MYH15: variants seen among roughly 807,000 people sequenced by gnomAD.
MYH15 encodes the protein myosin-15.
Under a neutral mutation model 240.5 loss-of-function variants are expected in MYH15, and 227 were observed. The observed-to-expected ratio is 0.94, with a 90% CI of 0.85 to 1.05. MYH15 has a LOEUF of 1.05. MYH15 is among the 50% of genes least tolerant of loss of function. The pLI is 0.00. For synonymous variants in MYH15, 785 were observed against 796.7 expected (o/e 0.99, Z 0.25); for missense variants, 2,217 against 2,247.5 (o/e 0.99, Z 0.27).
At chr3:108,408,086 A>C (rs1374757522) in intron 32 of MYH15, among the ~76,000 whole-genome samples, 194 bp downstream of exon 32, 1 of 152,206 alleles carries the variant, frequency 6.6e-6, no homozygotes, top group Non-Finnish European at 1.5e-5. Context: ...CTGAGTCTCA[A>C]TTTCCTCTTT....
the MYH15 span, chr3:108,550,981 T>C: frequency 2.6e-6 from 1 of 385,946 alleles, no homozygotes; most frequent in Non-Finnish European, 4.5e-6. Context: ...TAAATTTCTA[T>C]TCAAACTATC....
At chr3:108,414,120 A>C (rs2082615318) in intron 30 of MYH15, 112 bp downstream of exon 30, 2 of 1,174,298 alleles carry the variant, frequency 1.7e-6, no homozygotes, top group Middle Eastern at 4.0e-4. Flanking sequence ...TTGTTCCTGC[A>C]CTCGGCAAGG....
At chr3:108,399,994 G>T (rs6786808) in intron 33 of MYH15, among the ~76,000 whole-genome samples, 71,455 of 152,142 alleles carry the variant, frequency 0.47, 16,954 homozygotes, top group Non-Finnish European at 0.49. Flanking sequence ...ATGGGAATTT[G>T]TATTTCCCAA....
At chr3:108,452,343 G>C (rs1471911369) in intron 21 of MYH15, among the ~76,000 whole-genome samples, 1 of 152,014 alleles carries the variant, frequency 6.6e-6, no homozygotes, top group African/African-American at 2.4e-5. Context: ...AAACTCTTAT[G>C]TATATGAATG....
chr3:108,422,873 T>A (rs1277323442), intron 27 of MYH15, among the ~76,000 whole-genome samples: 1 of 152,216 alleles, frequency 6.6e-6, no homozygotes, highest in African/African-American at 2.4e-5. Context: ...TTTAGTCCTC[T>A]GGAAAACTTC....
chr3:108,388,239 C>G (rs960251098), intron 38 of MYH15, among the ~76,000 whole-genome samples: 1 of 152,092 alleles, frequency 6.6e-6, no homozygotes, highest in Non-Finnish European at 1.5e-5. Context: ...TAGGAGGATG[C>G]CAGACCCTGG....
At chr3:108,469,622 G>T (rs1355418774) in intron 14 of MYH15, among the ~76,000 whole-genome samples, 1 of 152,214 alleles carries the variant, frequency 6.6e-6, no homozygotes, top group Non-Finnish European at 1.5e-5. Flanking sequence ...GATGGCAGTT[G>T]TTTGTTTGCA....
intron 25 of MYH15, among the ~76,000 whole-genome samples, chr3:108,433,419 C>T (rs1471491036): frequency 6.6e-6 from 1 of 152,078 alleles, no homozygotes; most frequent in Non-Finnish European, 1.5e-5. Flanking sequence ...TGAGTTAAAG[C>T]CGAAATGAGT....
chr3:108,513,758 A>G (rs897060), upstream of MYH15, among the ~76,000 whole-genome samples: 5,574 of 152,308 alleles, frequency 0.037, 492 homozygotes, highest in East Asian at 0.39. Context: ...CACATTTTCC[A>G]TAACTGCAAA....
rs371486534 is a variant in MYH15 at position 108,405,395 on chromosome 3, G to A, written c.4679C>T (p.Ala1560Val). The A allele has an allele frequency of 1.4e-5, 21 of 1,522,890 alleles. No homozygotes were observed. The highest frequency in any genetic ancestry group is 1.7e-5 in the Admixed American group (1 of 57,744). 94.3% of individuals were successfully genotyped at this position (1,522,890 alleles called of 1,614,324 possible). The change falls in exon 33 of 41, where the codon GCT (alanine) becomes GTT (valine). Residue 1560 changes from alanine (A) to valine (V), a missense_variant. Coordinates refer to ENST00000693548, the MANE Select transcript of MYH15 (RefSeq NM_014981.3). The part of the protein sequence containing the change: ...ILHFQLELLE[A>V]KAELERKLSE... ...AAGCTTTCTTTCAAGTTCTGCTTTA[G>A]CTTCCAAGAGTTCAAGCTGGAAATG... is the stretch of plus-strand genomic sequence containing the variant.
Position 108,467,244 on chromosome 3 carries a change from T to C in MYH15, c.1555-2430A>G, listed in dbSNP as rs182708256. Among the ~76,000 whole-genome samples the C allele has an allele frequency of 5.9e-5, 9 of 151,360 alleles. No individual in the cohort carries two copies. In the East Asian group the frequency reaches 1.4e-3, roughly 23 times the overall value. The stretch of plus-strand genomic sequence containing the variant: ...TAAGAGTTGCCAATCAAAAAAAGGA[T>C]GGAGTTATGTGTTTAAAGAGAATAC... On this transcript the variant is annotated intron_variant, in intron 14 of 40. Coordinates refer to ENST00000693548, the MANE Select transcript of MYH15 (RefSeq NM_014981.3).
chr3:108,460,380 A>AG lies in MYH15; in HGVS notation c.1865-14_1865-13insC, dbSNP rs780354540. The AG allele has an allele frequency of 1.3e-6, 2 of 1,570,238 alleles. No homozygotes were observed. The highest frequency in any genetic ancestry group is 1.7e-6 in the Non-Finnish European group (2 of 1,162,382). ...CCAAATGGTATAGCTAGCAAAAAAA[A>AG]AAAAAGAAAAAGATGAAAACATGTA... On this transcript the variant is annotated splice_polypyrimidine_tract_variant and intron_variant, in intron 16 of 40. Coordinates refer to ENST00000693548, the MANE Select transcript of MYH15 (RefSeq NM_014981.3).
At chr3:108,429,259 C>T (rs778631709) in intron 26 of MYH15, among the ~76,000 whole-genome samples, 4 of 152,086 alleles carry the variant, frequency 2.6e-5, no homozygotes, top group South Asian at 2.1e-4. Flanking sequence ...ATTTGAAATT[C>T]GTTTATCTGA....
At chr3:108,455,933 G>A in intron 19 of MYH15, 74 bp from the exon 20 acceptor site, 1 of 1,403,390 alleles carries the variant, frequency 7.1e-7, no homozygotes, top group Admixed American at 1.9e-5. Flanking sequence ...CTAGACAAAT[G>A]AGGTGAAAGG....
At chr3:108,409,662 T>C (rs771090757) in intron 31 of MYH15, among the ~76,000 whole-genome samples, 7 of 152,232 alleles carry the variant, frequency 4.6e-5, no homozygotes, top group Non-Finnish European at 5.9e-5. Context: ...AGGGTTTTCA[T>C]GCACATTGCT....
rs555481521 is a variant in MYH15 at position 108,434,744 on chromosome 3, C to A, written c.3221+2810G>T. On this transcript the variant is annotated intron_variant, in intron 25 of 40. Transcript: ENST00000693548. ...TATTCATAATCATGCCCCTTGTATACATGAGAGTGTTCCTCTAGAGTGGAC... is the reference window on the plus strand; with the variant it reads ...TATTCATAATCATGCCCCTTGTATAAATGAGAGTGTTCCTCTAGAGTGGAC... 5.3e-5 allele frequency among the ~76,000 whole-genome samples: 8 copies of A among 152,208 alleles called. No homozygotes were observed. The South Asian group carries it at 1.5e-3, about 28-fold the overall frequency.
At chr3:108,403,496 CTTT>C (rs34668097) in intron 33 of MYH15, among the ~76,000 whole-genome samples, 5 of 133,432 alleles carry the variant, frequency 3.7e-5, no homozygotes, top group Non-Finnish European at 6.3e-5. Context: ...TTGTGTTTGG[CTTT>C]TTTTTTTTTT....
In MYH15 at chr3:108,394,107, C is replaced by A. The variant is rs56118396; in HGVS notation, c.5183G>T (p.Arg1728Leu). ...CACCTCTTCAGCTTCTTTCTGCATC[C>A]GGGCAACATCAGCCTCCAGTTTCTT... ...QKKKLEADVA[R>L]MQKEAEEVVQ... Residue 1728 changes from arginine to leucine, a missense_variant, in exon 36 of 41, where the codon CGG becomes CTG. By Grantham distance (102) the Arg-to-Leu change is moderately radical (BLOSUM62 -2). Coordinates refer to ENST00000693548, the MANE Select transcript of MYH15 (RefSeq NM_014981.3). 1 of 1,613,960 alleles carries A rather than the reference C, an allele frequency of 6.2e-7. No individual in the cohort carries two copies. Among genetic ancestry groups the A allele is most frequent in the Non-Finnish European group, 8.5e-7 (1 of 1,179,978 alleles).
intron 25 of MYH15, among the ~76,000 whole-genome samples, chr3:108,435,655 G>A (rs902583298): frequency 7.0e-6 from 1 of 142,130 alleles, no homozygotes; most frequent in African/African-American, 2.9e-5. Flanking sequence ...TCTTTTCAAG[G>A]CTCAATAATA....
Sources: gnomAD v4.1 joint callset for allele counts (sites outside exome capture counted in the v4.1 genomes callset) on GRCh38, gnomAD v4.1.1 for gene constraint, MANE v1.5 for transcripts, NCBI Gene and HGNC (gene_info 2026-07-23, HGNC 2026-07-21) for gene names.